SYT9: variants seen among roughly 807,000 people sequenced by gnomAD.
SYT9 encodes synaptotagmin 9, also known as synaptotagmin-9.
In SYT9, 22 loss-of-function variants were observed where a neutral mutation model predicts 48.4. That is an observed-to-expected ratio of 0.45 (90% CI 0.32 to 0.65). SYT9 has a LOEUF of 0.65. Ranked by LOEUF, SYT9 falls within the 30% of genes least tolerant of loss-of-function variation. The pLI, the probability that SYT9 is intolerant of heterozygous loss-of-function variation, is 0.03. For missense variants in SYT9, 577 were observed against 622.0 expected (o/e 0.93, Z 0.77); for synonymous variants, 265 against 245.0 (o/e 1.08, Z -0.76).
At chr11:7,415,100 G>A (rs753636139) in intron 3 of SYT9, among the ~76,000 whole-genome samples, 1 of 138,388 alleles carries the variant, frequency 7.2e-6, no homozygotes, top group Non-Finnish European at 1.6e-5. Flanking sequence ...TTCCCCAGTG[G>A]AGGGAAATGG....
chr11:7,291,318 A>T (rs1213200736), intron 1 of SYT9, among the ~76,000 whole-genome samples: 1 of 152,236 alleles, frequency 6.6e-6, no homozygotes, highest in African/African-American at 2.4e-5. Flanking sequence ...AAATGTTAGG[A>T]CATGGTTTCA....
intron 3 of SYT9, among the ~76,000 whole-genome samples, chr11:7,390,511 A>G (rs58364692): frequency 0.32 from 49,038 of 152,058 alleles, 8,393 homozygotes; most frequent in East Asian, 0.61. Flanking sequence ...CATGGTTTAA[A>G]TGTTTATTAA....
intron 3 of SYT9, among the ~76,000 whole-genome samples, chr11:7,414,862 T>C (rs1027192504): frequency 2.6e-5 from 4 of 152,038 alleles, no homozygotes; most frequent in African/African-American, 9.7e-5. Context: ...GGGAAAGCTT[T>C]GGACATTGAG....
intron 3 of SYT9, among the ~76,000 whole-genome samples, chr11:7,366,967 A>G (rs1474236501): frequency 6.6e-6 from 1 of 151,006 alleles, no homozygotes; most frequent in Admixed American, 6.6e-5. Context: ...TGACTTATAG[A>G]TATTATACCT....
At chr11:7,454,197 A>C in intron 6 of SYT9, 1 of 985,246 alleles carries the variant, frequency 1.0e-6, no homozygotes, top group Non-Finnish European at 1.2e-6. Flanking sequence ...CCTTCATTTT[A>C]ATACTCAAAT....
chr11:7,261,027 C>T lies in SYT9; in HGVS notation c.145+8696C>T, dbSNP rs556387514. ...AGAGGGAATACGCATGGCAGGCCTG[C>T]CTAGTGCCCACCAAGCCACGCTGTA... On this transcript the variant is annotated intron_variant, in intron 1 of 6. Transcript: ENST00000318881. 7.6e-4 allele frequency among the ~76,000 whole-genome samples: 116 copies of T among 152,302 alleles called. 1 individual carries two copies. Among genetic ancestry groups the T allele is most frequent in the Non-Finnish European group, 1.4e-3 (97 of 68,022 alleles).
intron 3 of SYT9, among the ~76,000 whole-genome samples, chr11:7,335,515 G>A (rs894397457): frequency 6.6e-6 from 1 of 151,880 alleles, no homozygotes; most frequent in Non-Finnish European, 1.5e-5. Flanking sequence ...CCCTCTTTGT[G>A]TCCATGTGTT....
intron 6 of SYT9, among the ~76,000 whole-genome samples, chr11:7,460,350 A>G (rs1848215271): frequency 6.6e-6 from 1 of 152,218 alleles, no homozygotes; most frequent in Non-Finnish European, 1.5e-5. Flanking sequence ...ATGAGAAAAA[A>G]GATATAAATC....
intron 3 of SYT9, among the ~76,000 whole-genome samples, chr11:7,337,705 G>A (rs970460193): frequency 2.2e-4 from 33 of 152,100 alleles, no homozygotes; most frequent in Admixed American, 1.3e-4. Context: ...TGCATCCCAG[G>A]GATAAAGCCT....
At chr11:7,455,298 T>C (rs1848129219) in intron 6 of SYT9, among the ~76,000 whole-genome samples, 1 of 151,918 alleles carries the variant, frequency 6.6e-6, no homozygotes, top group South Asian at 2.1e-4. Flanking sequence ...ACCTATTAGA[T>C]GTGTATATTC....
At chr11:7,239,378 A>T (rs1847717272) in intron 1 of SYT9, among the ~76,000 whole-genome samples, 1 of 152,100 alleles carries the variant, frequency 6.6e-6, no homozygotes, top group African/African-American at 2.4e-5. Flanking sequence ...TCTTTTTGTA[A>T]CAGTGAGGCA....
intron 3 of SYT9, among the ~76,000 whole-genome samples, chr11:7,339,548 T>C (rs1447580996): frequency 6.6e-6 from 1 of 152,200 alleles, no homozygotes. Context: ...GCAGGTCTGG[T>C]GATAACAGAC....
intron 3 of SYT9, among the ~76,000 whole-genome samples, chr11:7,339,888 TTGAC>T (rs1849686013): frequency 6.6e-6 from 1 of 152,164 alleles, no homozygotes; most frequent in Non-Finnish European, 1.5e-5. Context: ...TTTTCTGAAT[TTGAC>T]TGTTGGCCTC....
At chr11:7,421,773 G>A (rs1847359115) in intron 6 of SYT9, among the ~76,000 whole-genome samples, 1 of 152,184 alleles carries the variant, frequency 6.6e-6, no homozygotes, top group Admixed American at 6.5e-5. Context: ...ATAAGAAACA[G>A]TCCTTTCCCT....
At chr11:7,349,047 G>A (rs994780894) in intron 3 of SYT9, among the ~76,000 whole-genome samples, 14 of 152,064 alleles carry the variant, frequency 9.2e-5, no homozygotes, top group East Asian at 3.9e-4. Context: ...TGAGCTCCCC[G>A]CAGCTTTTAG....
At chr11:7,262,139 C>G (rs969406733) in intron 1 of SYT9, among the ~76,000 whole-genome samples, 1 of 151,980 alleles carries the variant, frequency 6.6e-6, no homozygotes, top group Non-Finnish European at 1.5e-5. Flanking sequence ...TTCTGGGTAG[C>G]TGGAAGGTGG....
At chr11:7,433,779 C>T (rs1368737409) in intron 6 of SYT9, among the ~76,000 whole-genome samples, 3 of 152,204 alleles carry the variant, frequency 2.0e-5, no homozygotes, top group African/African-American at 7.2e-5. Context: ...CAGCTAGCAC[C>T]TTATCTTGGA....
chr11:7,416,309 C>A, intron 4 of SYT9, 147 bp downstream of exon 4: 1 of 911,552 alleles, frequency 1.1e-6, no homozygotes, highest in Non-Finnish European at 1.7e-6. Flanking sequence ...TGACCTTGGG[C>A]AAGTCATTTT....
Position 7,252,398 on chromosome 11 carries a change from G to A in SYT9, c.145+67G>A. The A allele has an allele frequency of 7.4e-7, 1 of 1,350,242 alleles. No homozygotes were observed. The allele number at this position is 1,350,242 out of a possible 1,614,324, so 83.6% of individuals were successfully genotyped here. On this transcript the variant is annotated intron_variant, in intron 1 of 6. Transcript: ENST00000318881. This position sits in a 1 kb window ranked among gnomAD's most constrained non-coding sequence, Gnocchi z 6.3. ...GGGCTGGGACTTGGGGCCGCACCGG[G>A]GCCTGAGGCAGAACAGCGACGCGGA...
Sources: allele counts gnomAD v4.1 joint callset (sites outside exome capture counted in the v4.1 genomes callset), GRCh38; gene constraint gnomAD v4.1.1; non-coding constraint Gnocchi (gnomAD v3.1); transcripts MANE v1.5; gene names NCBI Gene and HGNC (gene_info 2026-07-23, HGNC 2026-07-21).